Variants in FKBP7 observed in about 807,000 individuals in gnomAD.
FKBP7 encodes peptidyl-prolyl cis-trans isomerase FKBP7.
In FKBP7, 24 loss-of-function variants were observed where a neutral mutation model predicts 24.3. That is an observed-to-expected ratio of 0.99 (90% CI 0.72 to 1.39). FKBP7 has a LOEUF of 1.39. FKBP7 is among the 40% of genes most tolerant of loss of function. The pLI, the probability that FKBP7 is intolerant of heterozygous loss-of-function variation, is 0.00. For synonymous variants in FKBP7, 98 were observed against 92.8 expected (o/e 1.06, Z -0.32); for missense variants, 257 against 269.5 (o/e 0.95, Z 0.33).
intron 2 of FKBP7, among the ~76,000 whole-genome samples, chr2:178,475,943 G>C (rs1684986807): frequency 6.6e-6 from 1 of 152,058 alleles, no homozygotes; most frequent in East Asian, 1.9e-4. Flanking sequence ...TCCTGTATTG[G>C]GGTAATAATG....
chr2:178,472,657 TG>T (rs1684880716), intron 2 of FKBP7, among the ~76,000 whole-genome samples: 1 of 151,724 alleles, frequency 6.6e-6, no homozygotes, highest in Admixed American at 6.6e-5. Context: ...GAGACCAGCC[TG>T]GCCAACATGG....
intron 2 of FKBP7, among the ~76,000 whole-genome samples, chr2:178,471,966 T>A (rs1684858640): frequency 6.6e-6 from 1 of 152,186 alleles, no homozygotes; most frequent in South Asian, 2.1e-4. Context: ...CAATGATTGT[T>A]TTATAAAACC....
chr2:178,468,259 G>A (rs1211757922), intron 3 of FKBP7, among the ~76,000 whole-genome samples: 4 of 152,154 alleles, frequency 2.6e-5, no homozygotes, highest in South Asian at 2.1e-4. Flanking sequence ...CAGGAGTATC[G>A]TCAGTGGGAC....
Position 178,465,639 on chromosome 2 carries a change from C to G in FKBP7, c.*131G>C. The G allele has an allele frequency of 1.4e-6, 1 of 740,652 alleles. No homozygotes were observed. Among genetic ancestry groups the G allele is most frequent in the Non-Finnish European group, 1.9e-6 (1 of 520,578 alleles). The allele number at this position is 740,652 out of a possible 1,614,324, so 45.9% of individuals were successfully genotyped here. On this transcript the variant is annotated 3_prime_UTR_variant, in exon 4 of 4. Transcript: ENST00000424785. ...AGCCTCACATTTATTATACCAAAAT[C>G]AATGTATTGGGGAGATCAAAATATC... is the stretch of plus-strand genomic sequence containing the variant.
At chr2:178,473,421 T>C (rs1684911872) in intron 2 of FKBP7, among the ~76,000 whole-genome samples, 1 of 152,252 alleles carries the variant, frequency 6.6e-6, no homozygotes, top group African/African-American at 2.4e-5. Flanking sequence ...TAATGTTTGT[T>C]AGAGATACCT....
intron 2 of FKBP7, among the ~76,000 whole-genome samples, chr2:178,475,695 T>C (rs953194705): frequency 6.6e-6 from 1 of 152,244 alleles, no homozygotes; most frequent in Non-Finnish European, 1.5e-5. Context: ...TAAAATTAAG[T>C]ATTCTCATAG....
intron 2 of FKBP7, among the ~76,000 whole-genome samples, chr2:178,472,660 C>T (rs1483133951): frequency 6.6e-6 from 1 of 151,744 alleles, no homozygotes; most frequent in East Asian, 2.0e-4. Context: ...ACCAGCCTGG[C>T]CAACATGGCG....
intron 2 of FKBP7, among the ~76,000 whole-genome samples, chr2:178,471,272 C>G (rs560585299): frequency 6.6e-6 from 1 of 151,714 alleles, no homozygotes; most frequent in Non-Finnish European, 1.5e-5. Flanking sequence ...TGCAATGGCA[C>G]GATCTCGGCT....
chr2:178,466,753 T>C (rs1013843447), intron 3 of FKBP7, among the ~76,000 whole-genome samples: 4 of 152,190 alleles, frequency 2.6e-5, no homozygotes, highest in Non-Finnish European at 2.9e-5. Flanking sequence ...GATGTGACTA[T>C]AAAAATTTTA....
Position 178,468,488 on chromosome 2 carries a change from T to TAA in FKBP7, c.507+1162_507+1163dup, listed in dbSNP as rs748822390. On this transcript the variant is annotated intron_variant, in intron 3 of 3. Transcript: ENST00000424785. ...GGCAATGTAGTGAGACTCCATCTCT[T>TAA]AAAAAAAAAAAAAAAATTAGCTGGG... 1.4e-5 allele frequency among the ~76,000 whole-genome samples: 2 copies of TAA among 139,814 alleles called. 1 individual carries two copies. The highest frequency in any genetic ancestry group is 5.3e-5 in the African/African-American group (2 of 38,008). 91.7% of individuals were successfully genotyped at this position (139,814 alleles called of 152,430 possible). A position where few individuals can be genotyped will look rare whatever the true frequency, so the allele number is the denominator to read the frequency against.
At position 178,469,054 on chromosome 2, in the gene FKBP7, G is replaced by T. The variant is rs371077960; in HGVS notation, c.507+598C>A. 2.6e-5 allele frequency among the ~76,000 whole-genome samples: 4 copies of T among 152,068 alleles called. No homozygotes were observed. In the East Asian group the frequency reaches 7.7e-4, roughly 29 times the overall value. On this transcript the variant is annotated intron_variant, in intron 3 of 3. Transcript: ENST00000424785. Reference sequence around the variant, plus strand: ...TGGCTAATTTATTAAATCTTTTGTAGAGACGGGGGTCTCCCTGTGTTGCCC... The same window carrying T: ...TGGCTAATTTATTAAATCTTTTGTATAGACGGGGGTCTCCCTGTGTTGCCC...
chr2:178,469,413 G>A (rs1031434323), intron 3 of FKBP7, among the ~76,000 whole-genome samples: 3 of 152,132 alleles, frequency 2.0e-5, no homozygotes, highest in East Asian at 1.9e-4. Context: ...CAAATAATTC[G>A]GGATTTTAAT....
intron 2 of FKBP7, among the ~76,000 whole-genome samples, chr2:178,472,629 C>T (rs1392048027): frequency 6.6e-6 from 1 of 151,734 alleles, no homozygotes; most frequent in Non-Finnish European, 1.5e-5. Context: ...CGAGATCAGC[C>T]TGGCTGGCCA....
At chr2:178,469,877 T>C (rs1684800494) in intron 2 of FKBP7, 92 bp from the exon 3 acceptor site, 1 of 1,030,550 alleles carries the variant, frequency 9.7e-7, no homozygotes, top group Non-Finnish European at 1.3e-6. Context: ...TATTATTTCA[T>C]GTTGATAAGA....
At chr2:178,476,714 ATTTTTTTTTT>A (rs35360731) in intron 2 of FKBP7, among the ~76,000 whole-genome samples, 6 of 122,530 alleles carry the variant, frequency 4.9e-5, no homozygotes, top group African/African-American at 9.5e-5. Flanking sequence ...ATTCCATTTC[ATTTTTTTTTT>A]TTTTTTTTTT....
At chr2:178,469,968 TG>T (rs1376812896) in intron 2 of FKBP7, among the ~76,000 whole-genome samples, 183 bp from the exon 3 acceptor site, 5 of 152,022 alleles carry the variant, frequency 3.3e-5, no homozygotes, top group South Asian at 2.1e-4. Context: ...TTTTCTTTTT[TG>T]TTTTTTTTTC....
intron 2 of FKBP7, chr2:178,473,113 T>C: frequency 7.7e-7 from 1 of 1,304,892 alleles, no homozygotes; most frequent in South Asian, 1.2e-5. Flanking sequence ...CAAGGATATT[T>C]TGCAGAAGAA....
At position 178,465,049 on chromosome 2, in the gene FKBP7, A is replaced by G. The variant is rs1238063336; in HGVS notation, c.*721T>C. 6.6e-6 allele frequency: 1 copy of G among 152,190 alleles called. No individual in the cohort carries two copies. Among genetic ancestry groups the G allele is most frequent in the African/African-American group, 2.4e-5 (1 of 41,456 alleles). The allele number at this position is 152,190 out of a possible 1,614,324, so 9.4% of individuals were successfully genotyped here. ...ATAAAGGTTTACAAGAGGGAAGAGG[A>G]GTTGCACATTTACAATAATGTCTGA... On this transcript the variant is annotated 3_prime_UTR_variant, in exon 4 of 4. Transcript: ENST00000424785.
At chr2:178,477,368 A>G (rs1424808428) in intron 1 of FKBP7, among the ~76,000 whole-genome samples, 155 bp from the exon 2 acceptor site, 2 of 152,226 alleles carry the variant, frequency 1.3e-5, no homozygotes, top group Non-Finnish European at 2.9e-5. Context: ...AAACTTCCCT[A>G]TAATCACCAG....
Sources: allele counts gnomAD v4.1 joint callset (sites outside exome capture counted in the v4.1 genomes callset), GRCh38; gene constraint gnomAD v4.1.1; transcripts MANE v1.5; gene names NCBI Gene and HGNC (gene_info 2026-07-23, HGNC 2026-07-21).